KCNJ12: variants seen among roughly 807,000 people sequenced by gnomAD.
The protein encoded by KCNJ12 is potassium inwardly rectifying channel subfamily J member 12, also known as ATP-sensitive inward rectifier potassium channel 12.
Under a neutral mutation model 22.3 loss-of-function variants are expected in KCNJ12, and 2 were observed. That is an observed-to-expected ratio of 0.09 (90% CI 0.04 to 0.28). The LOEUF (loss-of-function observed/expected upper bound fraction) is 0.28, where lower values mean the gene tolerates loss of function less well. Ranked by LOEUF, KCNJ12 falls within the 10% of genes least tolerant of loss-of-function variation. The pLI is 1.00. For missense variants in KCNJ12, 155 were observed against 633.3 expected (o/e 0.24, Z 8.11); for synonymous variants, 117 against 261.4 (o/e 0.45, Z 5.33).
At chr17:21,409,543 C>G (rs1299989200) in intron 2 of KCNJ12, among the ~76,000 whole-genome samples, 1 of 152,308 alleles carries the variant, frequency 6.6e-6, no homozygotes, top group Non-Finnish European at 1.5e-5. Context: ...AGCCGACTCC[C>G]GCTGGGGAGG....
chr17:21,383,835 C>T (rs1904973374), intron 1 of KCNJ12, among the ~76,000 whole-genome samples: 1 of 152,200 alleles, frequency 6.6e-6, no homozygotes, highest in Non-Finnish European at 1.5e-5. Flanking sequence ...GGGGGGCTGA[C>T]ATCTCAGTGG....
At chr17:21,403,834 C>T (rs529971670) in intron 1 of KCNJ12, among the ~76,000 whole-genome samples, 72 of 152,282 alleles carry the variant, frequency 4.7e-4, no homozygotes, top group South Asian at 3.8e-3. Flanking sequence ...GAGAAAACTG[C>T]GGTTCAGAGA....
chr17:21,377,355 A>G (rs1311109251), intron 1 of KCNJ12, among the ~76,000 whole-genome samples: 1 of 152,082 alleles, frequency 6.6e-6, no homozygotes, highest in African/African-American at 2.4e-5. Context: ...CGCCCGGGCT[A>G]TATGAGCCGC....
intron 1 of KCNJ12, among the ~76,000 whole-genome samples, chr17:21,401,823 C>T (rs1287103785): frequency 1.3e-5 from 2 of 152,190 alleles, no homozygotes; most frequent in African/African-American, 4.8e-5. Context: ...CCAGGTTCTA[C>T]CCTCAGGAGA....
chr17:21,395,738 C>T (rs1905340844), intron 1 of KCNJ12, among the ~76,000 whole-genome samples: 1 of 152,164 alleles, frequency 6.6e-6, no homozygotes, highest in South Asian at 2.1e-4. Context: ...CCCCATGTTA[C>T]AGATAGGGAA....
chr17:21,395,397 G>A (rs1366570503), intron 1 of KCNJ12, among the ~76,000 whole-genome samples: 2 of 150,418 alleles, frequency 1.3e-5, no homozygotes, highest in African/African-American at 4.9e-5. Flanking sequence ...GAGTTCGAGA[G>A]CAACCTGGCT....
chr17:21,383,239 G>A (rs988673089), intron 1 of KCNJ12, among the ~76,000 whole-genome samples: 13 of 152,184 alleles, frequency 8.5e-5, no homozygotes, highest in East Asian at 1.9e-4. Flanking sequence ...CCGAGCTGGC[G>A]GCTCCAGGCC....
intron 1 of KCNJ12, among the ~76,000 whole-genome samples, chr17:21,401,529 G>A (rs1367874453): frequency 1.3e-5 from 2 of 152,232 alleles, no homozygotes; most frequent in East Asian, 1.9e-4. Context: ...GCTGTGAGCA[G>A]TTCATAAGGG....
At chr17:21,390,260 G>A (rs556030809) in intron 1 of KCNJ12, among the ~76,000 whole-genome samples, 4 of 152,036 alleles carry the variant, frequency 2.6e-5, no homozygotes, top group South Asian at 4.2e-4. Flanking sequence ...CCCTCCCTCC[G>A]CTGGACCCTG....
intron 1 of KCNJ12, among the ~76,000 whole-genome samples, chr17:21,391,581 G>A (rs1157225428): frequency 2.0e-5 from 3 of 152,346 alleles, no homozygotes; most frequent in Admixed American, 6.5e-5. Context: ...GCGGCGCTCC[G>A]CCCAGCCCTC....
intron 1 of KCNJ12, among the ~76,000 whole-genome samples, chr17:21,407,752 C>T (rs1205922140): frequency 2.6e-5 from 4 of 152,142 alleles, no homozygotes; most frequent in Non-Finnish European, 5.9e-5. Context: ...TCCATCCATC[C>T]ATTCATCCAT....
chr17:21,398,463 C>T (rs1905458919), intron 1 of KCNJ12, among the ~76,000 whole-genome samples: 2 of 152,348 alleles, frequency 1.3e-5, no homozygotes, highest in South Asian at 2.1e-4. Context: ...CCTCTACGGC[C>T]CCCACTGCCC....
chr17:21,384,788 T>C (rs1905020017), intron 1 of KCNJ12, among the ~76,000 whole-genome samples: 1 of 150,802 alleles, frequency 6.6e-6, no homozygotes, highest in South Asian at 2.1e-4. Flanking sequence ...TTTTTTTTGT[T>C]TTGAGACGGA....
At chr17:21,386,810 A>G (rs1905084731) in intron 1 of KCNJ12, among the ~76,000 whole-genome samples, 2 of 152,176 alleles carry the variant, frequency 1.3e-5, no homozygotes, top group Admixed American at 1.3e-4. Flanking sequence ...CAGGACCTCT[A>G]CTTCTAAGGA....
intron 1 of KCNJ12, among the ~76,000 whole-genome samples, chr17:21,383,667 G>T (rs1189704612): frequency 1.3e-5 from 2 of 152,186 alleles, no homozygotes; most frequent in Non-Finnish European, 2.9e-5. Context: ...TCCCCTGGAT[G>T]TCCCTTTCTT....
Position 21,376,976 on chromosome 17 carries a change from C to A in KCNJ12, c.-179+63C>A, listed in dbSNP as rs1555557339. The A allele has an allele frequency of 6.6e-6, 1 of 152,144 alleles. No individual in the cohort carries two copies. Among genetic ancestry groups the A allele is most frequent in the African/African-American group, 2.4e-5 (1 of 41,454 alleles). 9.4% of individuals were successfully genotyped at this position (152,144 alleles called of 1,614,324 possible). On this transcript the variant is annotated intron_variant, in intron 1 of 2. Coordinates refer to ENST00000583088, the MANE Select transcript of KCNJ12 (RefSeq NM_021012.5). The surrounding 1 kb of genome is among the most constrained non-coding windows in gnomAD (Gnocchi z 5.3). ...CCCGGCCCCAGTTCCCCGCAGGCCGCGCCTCGCCACTAGCCCGGCCCGGAG... is the reference window on the plus strand; with the variant it reads ...CCCGGCCCCAGTTCCCCGCAGGCCGAGCCTCGCCACTAGCCCGGCCCGGAG...
chr17:21,404,287 C>T (rs1905802983), intron 1 of KCNJ12, among the ~76,000 whole-genome samples: 1 of 152,302 alleles, frequency 6.6e-6, no homozygotes, highest in Non-Finnish European at 1.5e-5. Context: ...TGTCACTGTG[C>T]TATGGTTGGT....
chr17:21,414,927 G>A (rs1555562230), intron 2 of KCNJ12, among the ~76,000 whole-genome samples: 1 of 152,312 alleles, frequency 6.6e-6, no homozygotes, highest in African/African-American at 2.4e-5. Context: ...GGAGACTGGG[G>A]GGCCATGGGC....
chr17:21,414,248 G>A (rs1274730908), intron 2 of KCNJ12, among the ~76,000 whole-genome samples: 4 of 152,280 alleles, frequency 2.6e-5, no homozygotes, highest in Non-Finnish European at 5.9e-5. Context: ...GCCGAGGCAG[G>A]TGGATCACCT....
Sources: allele counts gnomAD v4.1 joint callset (sites outside exome capture counted in the v4.1 genomes callset), GRCh38; gene constraint gnomAD v4.1.1; non-coding constraint Gnocchi (gnomAD v3.1); transcripts MANE v1.5; gene names NCBI Gene and HGNC (gene_info 2026-07-23, HGNC 2026-07-21).